The following C1orf21 variants were observed in gnomAD, a reference collection of about 807,000 sequenced individuals.
The protein encoded by C1orf21 is chromosome 1 open reading frame 21.
Under a neutral mutation model 18.7 loss-of-function variants are expected in C1orf21, and 3 were observed. The ratio of observed to expected loss-of-function variants is 0.16; its 90% CI spans 0.07 to 0.42. The LOEUF (loss-of-function observed/expected upper bound fraction) is 0.42, where lower values mean the gene tolerates loss of function less well. C1orf21 is among the 10% of genes least tolerant of loss of function. The probability of loss-of-function intolerance (pLI) is 0.99; values close to 1 mark genes in which losing one functional copy is unlikely to be tolerated. For synonymous variants in C1orf21, 41 were observed against 46.4 expected, an observed-to-expected ratio of 0.88 and a Z score of 0.47; for missense variants, 104 against 143.6, an observed-to-expected ratio of 0.72 and a Z score of 1.41.
intron 1 of C1orf21, among the ~76,000 whole-genome samples, chr1:184,394,229 G>T (rs1036714477): frequency 1.3e-5 from 2 of 152,222 alleles, no homozygotes; most frequent in Non-Finnish European, 2.9e-5. Context: ...AGAACAGGGA[G>T]ATGATGGTTT....
chr1:184,438,539 A>G (rs190949019), intron 1 of C1orf21, among the ~76,000 whole-genome samples: 2 of 152,328 alleles, frequency 1.3e-5, no homozygotes, highest in African/African-American at 4.8e-5. Flanking sequence ...TCTTGGCAAG[A>G]CACATTGGAG....
At chr1:184,589,875 G>A (rs1454091414) in intron 3 of C1orf21, among the ~76,000 whole-genome samples, 1 of 152,164 alleles carries the variant, frequency 6.6e-6, no homozygotes, top group Non-Finnish European at 1.5e-5. Context: ...TGCATGTGAT[G>A]AGAATGTTGC....
At chr1:184,460,653 T>G (rs1657291170) in intron 1 of C1orf21, among the ~76,000 whole-genome samples, 1 of 148,326 alleles carries the variant, frequency 6.7e-6, no homozygotes, top group Non-Finnish European at 1.5e-5. Flanking sequence ...CTTCTTCTTC[T>G]TCTTCTTCTT....
intron 3 of C1orf21, among the ~76,000 whole-genome samples, chr1:184,542,895 G>A (rs1382650238): frequency 6.6e-6 from 1 of 152,176 alleles, no homozygotes; most frequent in Non-Finnish European, 1.5e-5. Flanking sequence ...TATCCTAAGG[G>A]AGGAAAGAAA....
At chr1:184,492,038 C>G (rs1313334657) in intron 2 of C1orf21, among the ~76,000 whole-genome samples, 1 of 152,198 alleles carries the variant, frequency 6.6e-6, no homozygotes, top group Non-Finnish European at 1.5e-5. Context: ...CTCAATTTCT[C>G]AGTTTTTCTC....
intron 1 of C1orf21, among the ~76,000 whole-genome samples, chr1:184,446,958 C>T: frequency 6.9e-6 from 1 of 144,204 alleles, no homozygotes; most frequent in African/African-American, 2.6e-5. Flanking sequence ...ATACTGTTTT[C>T]TCTACTTTGA....
chr1:184,511,930 A>G (rs1432689202), intron 3 of C1orf21, among the ~76,000 whole-genome samples: 1 of 152,198 alleles, frequency 6.6e-6, no homozygotes, highest in Non-Finnish European at 1.5e-5. Context: ...ATCACCTACC[A>G]TGAGGTCCTT....
At chr1:184,426,407 A>C (rs1200189616) in intron 1 of C1orf21, among the ~76,000 whole-genome samples, 1 of 152,136 alleles carries the variant, frequency 6.6e-6, no homozygotes, top group Non-Finnish European at 1.5e-5. Context: ...CCCCTGCTTC[A>C]AACCCTTCAG....
At chr1:184,389,746 A>G (rs1469899918) in intron 1 of C1orf21, among the ~76,000 whole-genome samples, 1 of 152,150 alleles carries the variant, frequency 6.6e-6, no homozygotes, top group Non-Finnish European at 1.5e-5. Context: ...GCCCCCTTCT[A>G]TAAGACGTTT....
At chr1:184,536,849 A>G (rs562366210) in intron 3 of C1orf21, among the ~76,000 whole-genome samples, 2 of 33,548 alleles carry the variant, frequency 6.0e-5, no homozygotes, top group Admixed American at 5.9e-4. Flanking sequence ...TCTTTTGTGG[A>G]AAAAAAAAAA....
chr1:184,523,759 T>C (rs1043458954), intron 3 of C1orf21, among the ~76,000 whole-genome samples: 1 of 152,130 alleles, frequency 6.6e-6, no homozygotes, highest in Non-Finnish European at 1.5e-5. Context: ...TGTTTAAATA[T>C]GAAAAAGGAC....
chr1:184,589,300 C>T (rs956136403), intron 3 of C1orf21, among the ~76,000 whole-genome samples: 1 of 152,206 alleles, frequency 6.6e-6, no homozygotes, highest in African/African-American at 2.4e-5. Context: ...TACAAAGAGA[C>T]TACATTTGAG....
At chr1:184,509,242 A>T (rs899597202) in intron 3 of C1orf21, among the ~76,000 whole-genome samples, 3 of 152,192 alleles carry the variant, frequency 2.0e-5, no homozygotes, top group Non-Finnish European at 2.9e-5. Context: ...GGACCAGTAT[A>T]ACTTTTTTCC....
chr1:184,497,144 CT>C (rs1314432523), intron 2 of C1orf21, among the ~76,000 whole-genome samples: 1 of 152,214 alleles, frequency 6.6e-6, no homozygotes, highest in African/African-American at 2.4e-5. Context: ...CAGCTACCAT[CT>C]TTTACAAACA....
At chr1:184,517,148 A>G (rs1658242214) in intron 3 of C1orf21, among the ~76,000 whole-genome samples, 1 of 152,234 alleles carries the variant, frequency 6.6e-6, no homozygotes, top group Non-Finnish European at 1.5e-5. Context: ...TTGTTAGAAT[A>G]TAACTTGTGA....
intron 3 of C1orf21, among the ~76,000 whole-genome samples, chr1:184,520,940 C>G (rs980839294): frequency 1.3e-5 from 2 of 152,150 alleles, no homozygotes; most frequent in Non-Finnish European, 2.9e-5. Context: ...GTTGCCCAGG[C>G]TGGAGGGCAA....
chr1:184,446,407 T>C (rs533908191), intron 1 of C1orf21, among the ~76,000 whole-genome samples: 19 of 152,234 alleles, frequency 1.2e-4, no homozygotes, highest in South Asian at 4.1e-4. Flanking sequence ...AATCCTACTT[T>C]TGTGTCGTCT....
intron 3 of C1orf21, among the ~76,000 whole-genome samples, chr1:184,584,505 G>A (rs1558008381): frequency 6.6e-6 from 1 of 152,156 alleles, no homozygotes; most frequent in Admixed American, 6.5e-5. Flanking sequence ...TTGGAAAACA[G>A]TTTGGAAGGT....
chr1:184,509,419 G>C (rs2101964631), intron 3 of C1orf21, among the ~76,000 whole-genome samples: 1 of 152,274 alleles, frequency 6.6e-6, no homozygotes, highest in East Asian at 1.9e-4. Flanking sequence ...TGCTCTGCCA[G>C]CCAGCCAGAG....
Sources: allele counts gnomAD v4.1 joint callset (sites outside exome capture counted in the v4.1 genomes callset), GRCh38; gene constraint gnomAD v4.1.1; transcripts MANE v1.5; gene names NCBI Gene and HGNC (gene_info 2026-07-23, HGNC 2026-07-21).